The following WDFY4 variants were observed in gnomAD, a reference collection of about 807,000 sequenced individuals.
WDFY4 encodes the protein WD repeat- and FYVE domain-containing protein 4.
A neutral mutation model predicts 351.9 loss-of-function variants in WDFY4; 169 were observed. That is an observed-to-expected ratio of 0.48 (90% CI 0.42 to 0.55). The LOEUF (loss-of-function observed/expected upper bound fraction) is 0.55. Ranked by LOEUF, WDFY4 falls within the 20% of genes least tolerant of loss-of-function variation. The pLI is 0.00. For missense variants in WDFY4, 3,803 were observed against 3,935.6 expected, an observed-to-expected ratio of 0.97 and a Z score of 0.90; for synonymous variants, 1,622 against 1,574.6, an observed-to-expected ratio of 1.03 and a Z score of -0.71.
At chr10:48,760,875 T>C (rs1313270221) in intron 13 of WDFY4, among the ~76,000 whole-genome samples, 1 of 152,126 alleles carries the variant, frequency 6.6e-6, no homozygotes, top group African/African-American at 2.4e-5. Context: ...AAGATGAGCA[T>C]AGACACTGTC....
intron 47 of WDFY4, chr10:48,913,427 G>T (rs147406722): frequency 6.2e-7 from 1 of 1,612,936 alleles, no homozygotes; most frequent in African/African-American, 1.3e-5. Context: ...CCATGGAATT[G>T]GGTGAGATCA....
At chr10:48,760,550 C>CTAACGCAGGGCACT in intron 13 of WDFY4, 110 bp downstream of exon 13, 3 of 1,062,746 alleles carry the variant, frequency 2.8e-6, no homozygotes, top group Non-Finnish European at 4.1e-6. Flanking sequence ...CAGTGCCCTG[C>CTAACGCAGGGCACT]GTTAGCAGAG....
intron 2 of WDFY4, among the ~76,000 whole-genome samples, chr10:48,717,012 A>G (rs1048125738): frequency 6.6e-6 from 1 of 152,226 alleles, no homozygotes; most frequent in African/African-American, 2.4e-5. Flanking sequence ...ATGTGCACGC[A>G]TGTGTGAAGT....
intron 47 of WDFY4, among the ~76,000 whole-genome samples, chr10:48,914,787 AG>A (rs1435100831): frequency 6.6e-6 from 1 of 152,170 alleles, no homozygotes; most frequent in African/African-American, 2.4e-5. Flanking sequence ...CATGCAGAAA[AG>A]CCTGTTGCTC....
In WDFY4 at chr10:48,835,528, A is replaced by T. The variant is rs543274995; in HGVS notation, c.6663+2819A>T. Among the ~76,000 whole-genome samples the T allele has an allele frequency of 2.6e-5, 4 of 152,266 alleles. No homozygotes were observed. The East Asian group carries it at 7.7e-4, about 29-fold the overall frequency. On this transcript the variant is annotated intron_variant, in intron 39 of 61. Transcript: ENST00000325239. ...CCCCAGCTTCCAGGCAGCCACGGGGAATGTCTCCCTCACCTTTTAGCACCA... is the reference window on the plus strand; with the variant it reads ...CCCCAGCTTCCAGGCAGCCACGGGGTATGTCTCCCTCACCTTTTAGCACCA...
At chr10:48,805,898 C>T (rs2067237355) in intron 26 of WDFY4, 106 bp from the exon 27 acceptor site, 2 of 893,034 alleles carry the variant, frequency 2.2e-6, no homozygotes, top group Non-Finnish European at 3.7e-6. Flanking sequence ...CTTAAACTCT[C>T]ACTTGCAGCT....
At chr10:48,746,681 C>T (rs2065024798) in intron 12 of WDFY4, among the ~76,000 whole-genome samples, 1 of 151,928 alleles carries the variant, frequency 6.6e-6, no homozygotes, top group Non-Finnish European at 1.5e-5. Context: ...GTGTTTCCTA[C>T]CTACTAGTAT....
intron 51 of WDFY4, among the ~76,000 whole-genome samples, chr10:48,950,361 G>A (rs1841263618): frequency 6.6e-6 from 1 of 152,136 alleles, no homozygotes; most frequent in African/African-American, 2.4e-5. Flanking sequence ...CCATTGTTGC[G>A]GCATGTGTCA....
chr10:48,928,299 G>C (rs554772051), intron 47 of WDFY4, among the ~76,000 whole-genome samples: 2 of 152,028 alleles, frequency 1.3e-5, no homozygotes, highest in South Asian at 2.1e-4. Context: ...AAAAGTGGCT[G>C]CTTCCCAAGG....
At chr10:48,710,165 T>G (rs1303833266) in intron 2 of WDFY4, among the ~76,000 whole-genome samples, 199 bp downstream of exon 2, 4 of 152,192 alleles carry the variant, frequency 2.6e-5, no homozygotes, top group Non-Finnish European at 5.9e-5. Flanking sequence ...ACAGACTTAT[T>G]TCTCATAGTT....
At position 48,901,801 on chromosome 10, in the gene WDFY4, C is replaced by A; in HGVS notation, c.7524C>A (p.Ser2508Arg). 1 of 1,551,560 alleles carries A rather than the reference C, an allele frequency of 6.4e-7. No homozygotes were observed. The highest frequency in any genetic ancestry group is 8.7e-7 in the Non-Finnish European group (1 of 1,146,876). ...AATTATCCCTTCCCTTTTCATGTAG[C>A]TTCTGCTCTTTCCAACCCAGCCTGA... ...YNNDRSKAFK[S>R]FCSFQPSLKG... is the part of the protein sequence containing the mutation. The change falls in exon 47 of 62, where the codon AGC (serine) becomes AGA (arginine). Residue 2508 changes from serine (S) to arginine (R), a missense_variant and splice_region_variant. By Grantham distance (110) the Ser-to-Arg change is moderately radical. Transcript: ENST00000325239.
intron 35 of WDFY4, 41 bp downstream of exon 35, chr10:48,822,578 A>G (rs1463417217): frequency 3.4e-6 from 5 of 1,450,224 alleles, no homozygotes; most frequent in Middle Eastern, 1.8e-4. Flanking sequence ...GTGGATCTGA[A>G]TGATGTGCTC....
intron 44 of WDFY4, among the ~76,000 whole-genome samples, chr10:48,896,320 T>C (rs1196922675): frequency 6.6e-6 from 1 of 152,180 alleles, no homozygotes; most frequent in African/African-American, 2.4e-5. Flanking sequence ...TGGGATGTGG[T>C]TTGACCTAAG....
At chr10:48,896,123 A>C (rs566271410) in intron 44 of WDFY4, among the ~76,000 whole-genome samples, 1 of 152,340 alleles carries the variant, frequency 6.6e-6, no homozygotes, top group East Asian at 1.9e-4. Flanking sequence ...TTCAGAATTC[A>C]GTACACCTCT....
At chr10:48,926,578 C>G (rs1477742748) in intron 47 of WDFY4, among the ~76,000 whole-genome samples, 1 of 152,088 alleles carries the variant, frequency 6.6e-6, no homozygotes, top group African/African-American at 2.4e-5. Flanking sequence ...AAATAAGGTC[C>G]CTGAAGAAAT....
chr10:48,755,742 T>G (rs1589529839), intron 12 of WDFY4, among the ~76,000 whole-genome samples: 1 of 152,298 alleles, frequency 6.6e-6, no homozygotes, highest in East Asian at 1.9e-4. Context: ...AATATTGTCT[T>G]GATTACTGTG....
intron 47 of WDFY4, among the ~76,000 whole-genome samples, chr10:48,937,434 C>G (rs1314849588): frequency 6.6e-6 from 1 of 152,168 alleles, no homozygotes; most frequent in Non-Finnish European, 1.5e-5. Context: ...TCTGAACAGT[C>G]AGCGTGTCGG....
At chr10:48,933,053 A>G (rs1840122489) in intron 47 of WDFY4, among the ~76,000 whole-genome samples, 1 of 152,152 alleles carries the variant, frequency 6.6e-6, no homozygotes, top group Non-Finnish European at 1.5e-5. Context: ...AAGGAGAGTG[A>G]TGGAGACAGG....
At chr10:48,951,513 C>T (rs958949011) in intron 51 of WDFY4, among the ~76,000 whole-genome samples, 13 of 152,288 alleles carry the variant, frequency 8.5e-5, no homozygotes, top group South Asian at 2.1e-4. Flanking sequence ...CTCCAGGGCT[C>T]GAGCAATTTT....
Sources: gnomAD v4.1 joint callset for allele counts (sites outside exome capture counted in the v4.1 genomes callset) on GRCh38, gnomAD v4.1.1 for gene constraint, MANE v1.5 for transcripts, NCBI Gene and HGNC (gene_info 2026-07-23, HGNC 2026-07-21) for gene names.